The following CACNG8 variants were observed in gnomAD, a reference collection of about 807,000 sequenced individuals.
The protein encoded by CACNG8 is voltage-dependent calcium channel gamma-8 subunit.
CACNG8 carries 5 observed loss-of-function variants against 26.9 expected under a neutral mutation model. The observed-to-expected ratio is 0.19, with a 90% CI of 0.10 to 0.39. The LOEUF is 0.39. Ranked by LOEUF, CACNG8 falls within the 10% of genes least tolerant of loss-of-function variation. The pLI is 1.00. For missense variants in CACNG8, 473 were observed against 609.4 expected, an observed-to-expected ratio of 0.78 and a Z score of 2.36; for synonymous variants, 321 against 296.7, an observed-to-expected ratio of 1.08 and a Z score of -0.84.
chr19:53,979,302 G>T (rs1370783986), intron 2 of CACNG8, among the ~76,000 whole-genome samples: 1 of 151,364 alleles, frequency 6.6e-6, no homozygotes, highest in Non-Finnish European at 1.5e-5. Flanking sequence ...ATAAAACTGG[G>T]TGGGGTGGGG....
chr19:53,979,791 G>T, intron 2 of CACNG8, 76 bp from the exon 3 acceptor site: 1 of 1,462,430 alleles, frequency 6.8e-7, no homozygotes, highest in Non-Finnish European at 9.2e-7. Flanking sequence ...GAGATGGGGG[G>T]CCGGGAAGGG....
At chr19:53,970,230 C>T (rs1448936714) in intron 1 of CACNG8, among the ~76,000 whole-genome samples, 5 of 152,136 alleles carry the variant, frequency 3.3e-5, no homozygotes, top group Admixed American at 2.6e-4. Context: ...GCAGGAGAAT[C>T]GCTTGAACCC....
chr19:53,977,719 G>GT (rs541498996), intron 1 of CACNG8, among the ~76,000 whole-genome samples: 17 of 152,034 alleles, frequency 1.1e-4, no homozygotes, highest in African/African-American at 2.2e-4. Flanking sequence ...CACTTTCCTT[G>GT]TTTTTTTTCC....
intron 1 of CACNG8, among the ~76,000 whole-genome samples, chr19:53,972,348 C>T (rs2069307354): frequency 3.8e-5 from 5 of 131,314 alleles, no homozygotes; most frequent in African/African-American, 8.8e-5. Context: ...TCTTTCTTCT[C>T]TTTTCTTCTT....
In CACNG8 at chr19:53,984,100, G is replaced by C. The variant is rs1266649231; in HGVS notation, c.*1251G>C. 2 of 152,310 alleles carry C rather than the reference G, an allele frequency of 1.3e-5. No homozygotes were observed. The highest frequency in any genetic ancestry group is 2.9e-5 in the Non-Finnish European group (2 of 68,072). 9.4% of individuals were successfully genotyped at this position (152,310 alleles called of 1,614,324 possible). A position where few individuals can be genotyped will look rare whatever the true frequency, so the allele number is the denominator to read the frequency against. ...CTCACACTCTTGTGGGAGGAAGCAC[G>C]TAATTACACAGATGCTGAAGCATAG... On this transcript the variant is annotated 3_prime_UTR_variant, in exon 4 of 4. Transcript: ENST00000270458.
Position 53,988,927 on chromosome 19 carries a change from A to G in CACNG8, c.*6078A>G, listed in dbSNP as rs552380872. 77 of 152,308 alleles carry G rather than the reference A, an allele frequency of 5.1e-4. No homozygotes were observed. Among genetic ancestry groups the G allele is most frequent in the African/African-American group, 1.8e-3 (75 of 41,554 alleles). 9.4% of individuals were successfully genotyped at this position (152,308 alleles called of 1,614,324 possible). On this transcript the variant is annotated 3_prime_UTR_variant, in exon 4 of 4. Transcript: ENST00000270458. ...ACCTATTGAGGTGAAGGGGAAGAAC[A>G]CGTTTTCATCATTCATTTTCAGAAA... is the stretch of plus-strand genomic sequence containing the variant.
At chr19:53,974,028 AT>A (rs1422042902) in intron 1 of CACNG8, among the ~76,000 whole-genome samples, 1 of 152,208 alleles carries the variant, frequency 6.6e-6, no homozygotes, top group Non-Finnish European at 1.5e-5. Context: ...TTAAGTATGC[AT>A]TTCAGTAGTG....
chr19:53,977,956 G>A (rs2069339813), intron 1 of CACNG8, among the ~76,000 whole-genome samples, 190 bp from the exon 2 acceptor site: 1 of 152,136 alleles, frequency 6.6e-6, no homozygotes, highest in African/African-American at 2.4e-5. Context: ...TAACAGGCGG[G>A]GAAACAGACC....
chr19:53,978,068 G>C lies in CACNG8; in HGVS notation c.284-78G>C, dbSNP rs147855920. On this transcript the variant is annotated intron_variant, in intron 1 of 3. Transcript: ENST00000270458. The stretch of plus-strand genomic sequence containing the variant: ...GAGAGAAGGGGTTTGGGGAAGGGAA[G>C]GGTCGGTTGTCAGTGGGGTTGCCCC... The C allele has an allele frequency of 5.0e-4, 479 of 953,012 alleles. 7 individuals carry two copies. The East Asian group carries it at 0.011, about 22-fold the overall frequency. The allele number at this position is 953,012 out of a possible 1,614,324, so 59.0% of individuals were successfully genotyped here.
chr19:53,970,561 G>A (rs961728422), intron 1 of CACNG8, among the ~76,000 whole-genome samples: 1 of 150,348 alleles, frequency 6.7e-6, no homozygotes, highest in African/African-American at 2.5e-5. Context: ...GGAGGCGGAG[G>A]TTGCTGTGAG....
intron 1 of CACNG8, among the ~76,000 whole-genome samples, chr19:53,975,532 C>A (rs59362306): frequency 0.03 from 4,581 of 152,072 alleles, 231 homozygotes; most frequent in African/African-American, 0.1. Flanking sequence ...AGCGTATGCC[C>A]CCACACCCGG....
intron 3 of CACNG8, 48 bp downstream of exon 3, chr19:53,980,055 CACGTGTGT>C (rs1182083888): frequency 1.1e-5 from 17 of 1,534,078 alleles, no homozygotes; most frequent in Non-Finnish European, 1.2e-5. Context: ...CCTGGGCGCG[CACGTGTGT>C]GTGTGTGTGT....
At chr19:53,978,327 A>G in intron 2 of CACNG8, 98 bp downstream of exon 2, 1 of 840,536 alleles carries the variant, frequency 1.2e-6, no homozygotes, top group Non-Finnish European at 1.9e-6. Context: ...GGACTCCGGC[A>G]CTTGGATCGA....
intron 1 of CACNG8, among the ~76,000 whole-genome samples, chr19:53,965,249 C>T (rs1295834092): frequency 6.6e-6 from 1 of 152,142 alleles, no homozygotes; most frequent in Non-Finnish European, 1.5e-5. Context: ...GGAGGCTTCC[C>T]ATTGTAGTTC....
chr19:53,972,319 GCTTT>G (rs1232248868), intron 1 of CACNG8, among the ~76,000 whole-genome samples: 4 of 139,858 alleles, frequency 2.9e-5, no homozygotes, highest in Non-Finnish European at 4.7e-5. Context: ...TTTCTTGCTT[GCTTT>G]CTTTCTTTTT....
intron 1 of CACNG8, among the ~76,000 whole-genome samples, chr19:53,974,070 C>T (rs1488676057): frequency 2.0e-5 from 3 of 152,126 alleles, no homozygotes; most frequent in Non-Finnish European, 2.9e-5. Context: ...GAACTCTTTT[C>T]GTCTTGCAAA....
At position 53,982,570 on chromosome 19, in the gene CACNG8, G is replaced by T. The variant is rs1405209643; in HGVS notation, c.999G>T (p.Val333=). 3 of 1,016,606 alleles carry T rather than the reference G, an allele frequency of 3.0e-6. No individual in the cohort carries two copies. The highest frequency in any genetic ancestry group is 8.2e-5 in the East Asian group (1 of 12,178). 63.0% of individuals were successfully genotyped at this position (1,016,606 alleles called of 1,614,324 possible). The change falls in exon 4 of 4, where the codon GTG becomes GTT. Residue 333 remains valine (V), a synonymous_variant. Coordinates refer to ENST00000270458, the MANE Select transcript of CACNG8 (RefSeq NM_031895.6). This position sits in a 1 kb window ranked among gnomAD's most constrained non-coding sequence, Gnocchi z 8.4. Reference sequence around the variant, plus strand: ...CCGGCGGCGGCGGCGGCGGCGCCGTGGGGGCGTTCGGCGGCGCGGCCGGGG... The same window carrying T: ...CCGGCGGCGGCGGCGGCGGCGCCGTTGGGGCGTTCGGCGGCGCGGCCGGGG...
In CACNG8 at chr19:53,963,349, G is replaced by A; in HGVS notation, c.207G>A (p.Gly69=). Residue 69 remains glycine, a synonymous_variant, in exon 1 of 4, where the codon GGG becomes GGA. Transcript: ENST00000270458. ...GCGACGACGGGACCCCCCACCGCGGGGGCGGCGGCGCCTCGGAGAAGAAGG... is the reference window on the plus strand; with the variant it reads ...GCGACGACGGGACCCCCCACCGCGGAGGCGGCGGCGCCTCGGAGAAGAAGG... 6.3e-7 allele frequency: 1 copy of A among 1,593,972 alleles called. No individual in the cohort carries two copies. The highest frequency in any genetic ancestry group is 8.5e-7 in the Non-Finnish European group (1 of 1,175,552).
At chr19:53,965,042 C>A (rs1398835779) in intron 1 of CACNG8, among the ~76,000 whole-genome samples, 2 of 152,186 alleles carry the variant, frequency 1.3e-5, no homozygotes, top group East Asian at 3.8e-4. Flanking sequence ...GTGGGCACCA[C>A]CTCGCTGTTG....
Sources: allele counts gnomAD v4.1 joint callset (sites outside exome capture counted in the v4.1 genomes callset), GRCh38; gene constraint gnomAD v4.1.1; non-coding constraint Gnocchi (gnomAD v3.1); transcripts MANE v1.5; gene names NCBI Gene and HGNC (gene_info 2026-07-23, HGNC 2026-07-21).